ROR1: variants seen among roughly 807,000 people sequenced by gnomAD.
ROR1 encodes ROR family WNT receptor 1.
Under a neutral mutation model 78.8 loss-of-function variants are expected in ROR1, and 19 were observed. That is an observed-to-expected ratio of 0.24 (90% CI 0.17 to 0.35). The LOEUF is 0.35. ROR1 is among the 10% of genes least tolerant of loss of function. ROR1 has a pLI of 1.00. For synonymous variants in ROR1, 386 were observed against 433.6 expected (o/e 0.89, Z 1.36); for missense variants, 917 against 1,177.8 (o/e 0.78, Z 3.24).
chr1:64,067,841 T>C (rs1391194478), intron 4 of ROR1, among the ~76,000 whole-genome samples: 1 of 151,298 alleles, frequency 6.6e-6, no homozygotes. Context: ...GCCTCCTGAG[T>C]AGCTGGGACT....
intron 2 of ROR1, among the ~76,000 whole-genome samples, chr1:64,035,281 CTTTGGAAAGGG>C (rs1646693138): frequency 1.3e-5 from 2 of 152,192 alleles, no homozygotes; most frequent in Non-Finnish European, 2.9e-5. Context: ...TCTAAAGTGG[CTTTGGAAAGGG>C]TTCCATTGCA....
At chr1:63,900,244 A>G (rs1289572859) in intron 1 of ROR1, among the ~76,000 whole-genome samples, 2 of 152,152 alleles carry the variant, frequency 1.3e-5, no homozygotes, top group African/African-American at 4.8e-5. Context: ...ACCTGAGGTC[A>G]GGAGTTCGAG....
intron 1 of ROR1, among the ~76,000 whole-genome samples, chr1:63,906,213 C>T (rs970333084): frequency 6.6e-6 from 1 of 152,174 alleles, no homozygotes; most frequent in African/African-American, 2.4e-5. Context: ...ACTGCCTGTT[C>T]TACACACCCT....
chr1:63,807,632 T>G (rs1423988675), intron 1 of ROR1, among the ~76,000 whole-genome samples: 2 of 152,216 alleles, frequency 1.3e-5, no homozygotes, highest in African/African-American at 4.8e-5. Context: ...ATATCATCTT[T>G]CCATGTGTAA....
Position 64,044,449 on chromosome 1 carries a change from G to A in ROR1, c.164-5242G>A, listed in dbSNP as rs1452904438. Among the ~76,000 whole-genome samples, 4 of 152,104 alleles carry A rather than the reference G, an allele frequency of 2.6e-5. No homozygotes were observed. In the East Asian group the frequency reaches 7.7e-4, roughly 29 times the overall value. On this transcript the variant is annotated intron_variant, in intron 2 of 8. Transcript: ENST00000371079. ...CAACGGTACCAAACTAGTGGTCACT[G>A]TACATTCCACTGCCATATACTTGTA...
At chr1:63,957,414 G>T (rs1423929002) in intron 1 of ROR1, among the ~76,000 whole-genome samples, 1 of 152,148 alleles carries the variant, frequency 6.6e-6, no homozygotes, top group Non-Finnish European at 1.5e-5. Context: ...TCATTCCCAT[G>T]TGGGAGATGC....
At chr1:64,095,907 T>C (rs193135643) in intron 4 of ROR1, among the ~76,000 whole-genome samples, 1 of 152,324 alleles carries the variant, frequency 6.6e-6, no homozygotes, top group Admixed American at 6.5e-5. Context: ...AAGTTTATAA[T>C]TGGTAGAGCC....
intron 1 of ROR1, among the ~76,000 whole-genome samples, chr1:63,808,927 T>G (rs1644844400): frequency 6.6e-6 from 1 of 152,116 alleles, no homozygotes; most frequent in Non-Finnish European, 1.5e-5. Context: ...AACCAGATTT[T>G]GGGAAGACAA....
intron 1 of ROR1, among the ~76,000 whole-genome samples, chr1:63,995,956 A>T (rs1332063224): frequency 6.6e-6 from 1 of 152,168 alleles, no homozygotes; most frequent in Non-Finnish European, 1.5e-5. Context: ...AAAGATGTGG[A>T]TACAGGGAGG....
chr1:64,044,837 T>C (rs539509358), intron 2 of ROR1, among the ~76,000 whole-genome samples: 10 of 152,302 alleles, frequency 6.6e-5, no homozygotes, highest in Admixed American at 2.0e-4. Context: ...TTTGCGAAAC[T>C]TTTAGCCACC....
At chr1:64,006,885 G>A (rs1053272981) in intron 1 of ROR1, among the ~76,000 whole-genome samples, 5 of 152,196 alleles carry the variant, frequency 3.3e-5, no homozygotes, top group African/African-American at 1.2e-4. Flanking sequence ...CCTTTGCAAG[G>A]TCTCAGTGAG....
intron 1 of ROR1, among the ~76,000 whole-genome samples, chr1:63,940,482 CAGATAGATAGACAGACAGAT>C (rs58676345): frequency 0.12 from 9,913 of 81,446 alleles, 342 homozygotes; most frequent in Non-Finnish European, 0.14. Flanking sequence ...GATAGATAGA[CAGATAGATAGACAGACAGAT>C]AGATAGATAG....
chr1:63,859,329 G>A (rs896763710), intron 1 of ROR1, among the ~76,000 whole-genome samples: 4 of 152,150 alleles, frequency 2.6e-5, no homozygotes, highest in Admixed American at 2.6e-4. Context: ...ACACTTTTGT[G>A]ATGCTTTTAT....
intron 1 of ROR1, among the ~76,000 whole-genome samples, chr1:63,994,147 T>C (rs1646318139): frequency 6.6e-6 from 1 of 152,196 alleles, no homozygotes; most frequent in African/African-American, 2.4e-5. Context: ...TACATTTCCT[T>C]ATCTGTAAAT....
intron 1 of ROR1, among the ~76,000 whole-genome samples, chr1:63,846,224 G>A (rs1645080833): frequency 6.6e-6 from 1 of 150,948 alleles, no homozygotes; most frequent in Admixed American, 6.6e-5. Context: ...GTGAGGAGGT[G>A]GCCTACCCCT....
chr1:64,107,625 C>T (rs1647877781), intron 4 of ROR1, among the ~76,000 whole-genome samples: 1 of 151,340 alleles, frequency 6.6e-6, no homozygotes, highest in South Asian at 2.1e-4. Flanking sequence ...TCAGAATGCA[C>T]ATTAAAGTGC....
At chr1:63,979,150 A>G (rs1334380306) in intron 1 of ROR1, among the ~76,000 whole-genome samples, 2 of 152,182 alleles carry the variant, frequency 1.3e-5, no homozygotes, top group Non-Finnish European at 1.5e-5. Context: ...TAGAAATGTC[A>G]AGAATAATGT....
chr1:63,993,768 T>C (rs1222540647), intron 1 of ROR1, among the ~76,000 whole-genome samples: 3 of 152,204 alleles, frequency 2.0e-5, no homozygotes, highest in Non-Finnish European at 4.4e-5. Flanking sequence ...TTAGGTAGTC[T>C]GCTATTGCTG....
In ROR1 at chr1:63,857,008, A is replaced by T. The variant is rs74509508; in HGVS notation, c.91+82500A>T. 2.6e-3 allele frequency among the ~76,000 whole-genome samples: 395 copies of T among 152,142 alleles called. 2 individuals are homozygous for T. The East Asian group carries it at 0.042, about 16-fold the overall frequency. ...CTCGTTAGATTTTGTTTCCTTGAGGACAGGGAATGTCTTTAATCTCGGGAT... is the reference window on the plus strand; with the variant it reads ...CTCGTTAGATTTTGTTTCCTTGAGGTCAGGGAATGTCTTTAATCTCGGGAT... On this transcript the variant is annotated intron_variant, in intron 1 of 8. Transcript: ENST00000371079.
Sources: allele counts gnomAD v4.1 joint callset (sites outside exome capture counted in the v4.1 genomes callset), GRCh38; gene constraint gnomAD v4.1.1; transcripts MANE v1.5; gene names NCBI Gene and HGNC (gene_info 2026-07-23, HGNC 2026-07-21).